The following NBEA variants were observed in gnomAD, a reference collection of about 807,000 sequenced individuals.
NBEA encodes lysosomal-trafficking regulator 2.
A neutral mutation model predicts 343.4 loss-of-function variants in NBEA; 44 were observed. The observed-to-expected ratio is 0.13, with a 90% CI of 0.10 to 0.16. The LOEUF is 0.16. NBEA is among the 10% of genes least tolerant of loss of function. The pLI is 1.00. For missense variants in NBEA, 2,555 were observed against 3,631.3 expected (o/e 0.70, Z 7.62); for synonymous variants, 1,175 against 1,238.7 (o/e 0.95, Z 1.08).
At chr13:35,058,908 T>C in intron 8 of NBEA, 45 bp downstream of exon 8, 1 of 1,462,926 alleles carries the variant, frequency 6.8e-7, no homozygotes, top group Non-Finnish European at 9.2e-7. Context: ...GAGTTTTAGA[T>C]GTAAAATGTG....
intron 34 of NBEA, among the ~76,000 whole-genome samples, chr13:35,283,530 C>T (rs776388679): frequency 2.0e-4 from 30 of 152,166 alleles, no homozygotes; most frequent in Middle Eastern, 3.4e-3. Context: ...TATCAATCTT[C>T]GAAAATATCT....
Position 35,667,509 on chromosome 13 carries a change from T to G in NBEA, c.8600T>G (p.Phe2867Cys), listed in dbSNP as rs757225445. ...ATCATATACTATGAACGAGGGCGAT[T>G]CAGTAATTTCAGCATTAATGGGAAA... ...HCIIYYERGR[F>C]SNFSINGKLL... The change falls in exon 57 of 59, where the codon TTC becomes TGC. Residue 2867 changes from phenylalanine (F) to cysteine (C), a missense_variant. Around this residue, in one of 21 missense-constraint regions of NBEA, gnomAD observed 186 missense variants for 328.9 expected, o/e 0.57. Coordinates refer to ENST00000379939, the MANE Select transcript of NBEA (RefSeq NM_001385012.1). The G allele has an allele frequency of 2.5e-6, 4 of 1,614,016 alleles. No individual in the cohort carries two copies. The South Asian group carries it at 4.4e-5, about 18-fold the overall frequency.
Position 35,148,028 on chromosome 13 carries a change from T to G in NBEA, c.2445+5651T>G, listed in dbSNP as rs550956678. ...TGGGACAACCAACTGCCAGTGATTC[T>G]AAAATGAGGCTGATGATGCTCCAGG... On this transcript the variant is annotated intron_variant, in intron 18 of 58. Transcript: ENST00000379939. 1.2e-4 allele frequency among the ~76,000 whole-genome samples: 19 copies of G among 152,292 alleles called. No homozygotes were observed. The South Asian group carries it at 3.3e-3, about 27-fold the overall frequency.
intron 41 of NBEA, chr13:35,476,430 T>C: frequency 1.1e-6 from 1 of 949,560 alleles, no homozygotes; most frequent in Non-Finnish European, 1.7e-6. Flanking sequence ...CTTGTCTCTC[T>C]TCCTCTTTTA....
At chr13:35,303,301 C>T (rs1432467717) in intron 35 of NBEA, among the ~76,000 whole-genome samples, 3 of 152,094 alleles carry the variant, frequency 2.0e-5, no homozygotes, top group African/African-American at 7.2e-5. Flanking sequence ...TTACCAGTCA[C>T]CTGGTTTCAT....
chr13:35,214,122 A>G (rs1443659590), intron 33 of NBEA, among the ~76,000 whole-genome samples: 3 of 151,902 alleles, frequency 2.0e-5, no homozygotes, highest in Non-Finnish European at 4.4e-5. Context: ...TTATATGGCT[A>G]TTAATAATCT....
intron 8 of NBEA, among the ~76,000 whole-genome samples, chr13:35,063,805 A>C (rs1593229664): frequency 6.6e-6 from 1 of 152,024 alleles, no homozygotes; most frequent in African/African-American, 2.4e-5. Flanking sequence ...AGCATATCTA[A>C]AATATCTAAG....
intron 38 of NBEA, among the ~76,000 whole-genome samples, chr13:35,427,116 G>A (rs2044734857): frequency 6.6e-6 from 1 of 152,096 alleles, no homozygotes; most frequent in Non-Finnish European, 1.5e-5. Context: ...ATCATCTGAA[G>A]CCTTCTTCTC....
chr13:35,625,346 G>A (rs2083176624), intron 48 of NBEA, among the ~76,000 whole-genome samples: 1 of 152,210 alleles, frequency 6.6e-6, no homozygotes, highest in African/African-American at 2.4e-5. Context: ...GCCAGGTGCA[G>A]TTGCTCACAT....
intron 34 of NBEA, among the ~76,000 whole-genome samples, chr13:35,245,137 T>C (rs2030981125): frequency 6.6e-6 from 1 of 152,128 alleles, no homozygotes; most frequent in Admixed American, 6.5e-5. Context: ...TTGGTGTCCA[T>C]TTGCATGGAA....
intron 45 of NBEA, among the ~76,000 whole-genome samples, chr13:35,583,497 T>C (rs2081151072): frequency 6.6e-6 from 1 of 152,208 alleles, no homozygotes; most frequent in African/African-American, 2.4e-5. Flanking sequence ...TTCACTAATA[T>C]GGTTGTCAAA....
At chr13:35,487,642 C>A (rs1309509693) in intron 41 of NBEA, among the ~76,000 whole-genome samples, 1 of 151,826 alleles carries the variant, frequency 6.6e-6, no homozygotes, top group Non-Finnish European at 1.5e-5. Context: ...ATTGCACTTA[C>A]AACAGTTCTA....
chr13:35,470,442 A>G (rs1220717461), intron 40 of NBEA, among the ~76,000 whole-genome samples: 1 of 152,084 alleles, frequency 6.6e-6, no homozygotes, highest in East Asian at 1.9e-4. Flanking sequence ...GTAATTCACC[A>G]TTTTTAGTGT....
intron 41 of NBEA, among the ~76,000 whole-genome samples, chr13:35,479,877 A>G (rs1196423188): frequency 6.6e-6 from 1 of 152,110 alleles, no homozygotes; most frequent in Non-Finnish European, 1.5e-5. Context: ...TGAGCTAATA[A>G]TAGAATGATA....
chr13:35,034,042 T>C (rs1334219051), intron 1 of NBEA, among the ~76,000 whole-genome samples: 1 of 151,910 alleles, frequency 6.6e-6, no homozygotes, highest in Non-Finnish European at 1.5e-5. Context: ...CAGGACTATG[T>C]TGAATAACAG....
chr13:35,352,299 G>C lies in NBEA; in HGVS notation c.6155G>C (p.Gly2052Ala). The C allele has an allele frequency of 6.6e-7, 1 of 1,516,926 alleles. No homozygotes were observed. Among genetic ancestry groups the C allele is most frequent in the Non-Finnish European group, 8.9e-7 (1 of 1,125,742 alleles). 94.0% of individuals were successfully genotyped at this position (1,516,926 alleles called of 1,614,324 possible). ...CTCAATATTCTCACAAATAAACATG[G>C]TGCTTGGGGAGCAGTTTCTCATAGG... Reference protein sequence around the residue: ...KILNILTNKHGAWGAVSHSQL... With the variant: ...KILNILTNKHAAWGAVSHSQL... The change falls in exon 38 of 59, where the codon GGT (glycine) becomes GCT (alanine). Residue 2052 changes from glycine to alanine, a missense_variant. Transcript: ENST00000379939.
At chr13:34,979,641 G>A (rs1012583907) in intron 1 of NBEA, among the ~76,000 whole-genome samples, 6 of 152,202 alleles carry the variant, frequency 3.9e-5, no homozygotes, top group African/African-American at 9.6e-5. Flanking sequence ...TAAGTCAGAT[G>A]TATGTTTTTT....
chr13:35,613,497 G>A (rs2082610747), intron 48 of NBEA, among the ~76,000 whole-genome samples: 1 of 152,126 alleles, frequency 6.6e-6, no homozygotes, highest in African/African-American at 2.4e-5. Context: ...TATGAATAAT[G>A]CTGCAGGGAA....
chr13:35,451,169 G>C (rs141120734), intron 39 of NBEA, among the ~76,000 whole-genome samples: 3,772 of 152,204 alleles, frequency 0.025, 181 homozygotes, highest in African/African-American at 0.087. Flanking sequence ...TGTCGCCCAG[G>C]CTGGAGTGCA....
Sources: gnomAD v4.1 joint callset for allele counts (sites outside exome capture counted in the v4.1 genomes callset) on GRCh38, gnomAD v4.1.1 for gene constraint, gnomAD v4.1.1 regional missense constraint, MANE v1.5 for transcripts, NCBI Gene and HGNC (gene_info 2026-07-23, HGNC 2026-07-21) for gene names.